The following STAC variants were observed in gnomAD, a reference collection of about 807,000 sequenced individuals.
The protein encoded by STAC is SH3 and cysteine-rich domain-containing protein.
STAC carries 43 observed loss-of-function variants against 48.8 expected under a neutral mutation model. The observed-to-expected ratio is 0.88, with a 90% CI of 0.69 to 1.14. STAC has a LOEUF of 1.14. STAC is among the 50% of genes most tolerant of loss of function. The pLI is 0.00. For missense variants in STAC, 497 were observed against 504.0 expected, an observed-to-expected ratio of 0.99 and a Z score of 0.13; for synonymous variants, 193 against 179.5, an observed-to-expected ratio of 1.07 and a Z score of -0.60.
intron 1 of STAC, among the ~76,000 whole-genome samples, chr3:36,442,562 A>G (rs1696377151): frequency 6.6e-6 from 1 of 152,120 alleles, no homozygotes; most frequent in Admixed American, 6.5e-5. Flanking sequence ...AGAGGGGTAG[A>G]TTAAACTCAA....
intron 10 of STAC, 143 bp downstream of exon 10, chr3:36,529,128 G>A: frequency 7.8e-6 from 7 of 896,656 alleles, no homozygotes; most frequent in Non-Finnish European, 1.1e-5. Flanking sequence ...CTCCAATGAT[G>A]TCAGTGTTGT....
intron 1 of STAC, 148 bp downstream of exon 1, chr3:36,380,902 A>C: frequency 3.4e-6 from 2 of 593,328 alleles, no homozygotes; most frequent in South Asian, 2.2e-5. Context: ...GTCCGGTAGG[A>C]CCCGCTGCTC....
chr3:36,452,426 C>T (rs1696709786), intron 2 of STAC, among the ~76,000 whole-genome samples: 1 of 152,080 alleles, frequency 6.6e-6, no homozygotes, highest in African/African-American at 2.4e-5. Flanking sequence ...ACTGGCACAT[C>T]GCAAATGTGA....
intron 2 of STAC, among the ~76,000 whole-genome samples, chr3:36,453,430 G>C (rs1696748773): frequency 6.6e-6 from 1 of 152,186 alleles, no homozygotes; most frequent in African/African-American, 2.4e-5. Context: ...GGCAGACCCC[G>C]CCCTCGGAGA....
intron 10 of STAC, among the ~76,000 whole-genome samples, chr3:36,540,865 G>T (rs932216366): frequency 7.2e-5 from 11 of 152,154 alleles, no homozygotes; most frequent in Non-Finnish European, 1.2e-4. Context: ...GTTGTTTAAG[G>T]CTTCTAAATT....
At chr3:36,418,168 G>A (rs556186902) in intron 1 of STAC, among the ~76,000 whole-genome samples, 1 of 151,428 alleles carries the variant, frequency 6.6e-6, no homozygotes, top group East Asian at 1.9e-4. Flanking sequence ...TGATTTCTTA[G>A]GCCTTCCTTT....
At chr3:36,510,006 C>A (rs1698496779) in intron 8 of STAC, among the ~76,000 whole-genome samples, 1 of 152,038 alleles carries the variant, frequency 6.6e-6, no homozygotes, top group Non-Finnish European at 1.5e-5. Context: ...AAGAAACTAT[C>A]ATCAGAGTGA....
At chr3:36,529,144 C>G in intron 10 of STAC, 159 bp downstream of exon 10, 1 of 765,908 alleles carries the variant, frequency 1.3e-6, no homozygotes, top group Non-Finnish European at 1.8e-6. Context: ...GTTGTAGGAG[C>G]TAAACATGCA....
chr3:36,433,759 C>T (rs1700762003), intron 1 of STAC, among the ~76,000 whole-genome samples: 2 of 152,204 alleles, frequency 1.3e-5, no homozygotes, highest in Non-Finnish European at 2.9e-5. Flanking sequence ...CTGGTAGAAC[C>T]TAAGCCAAGG....
chr3:36,536,930 A>G (rs563729409), intron 10 of STAC, among the ~76,000 whole-genome samples: 48 of 152,302 alleles, frequency 3.2e-4, no homozygotes, highest in African/African-American at 1.2e-3. Flanking sequence ...TTATATGGCC[A>G]GCAAACATAT....
At chr3:36,396,446 C>G (rs1300695115) in intron 1 of STAC, among the ~76,000 whole-genome samples, 1 of 152,116 alleles carries the variant, frequency 6.6e-6, no homozygotes, top group African/African-American at 2.4e-5. Flanking sequence ...CACATTATTA[C>G]TACTATACAA....
intron 10 of STAC, among the ~76,000 whole-genome samples, chr3:36,535,370 G>T (rs1699174234): frequency 6.6e-6 from 1 of 152,166 alleles, no homozygotes; most frequent in Non-Finnish European, 1.5e-5. Flanking sequence ...AGAAGCTTGG[G>T]CTGAGATGAT....
chr3:36,545,875 C>T (rs1699433019), intron 10 of STAC, among the ~76,000 whole-genome samples: 2 of 152,178 alleles, frequency 1.3e-5, no homozygotes, highest in South Asian at 4.1e-4. Flanking sequence ...CCTTGACAAA[C>T]ATTATTATCT....
At chr3:36,467,441 T>C (rs1005774826) in intron 2 of STAC, among the ~76,000 whole-genome samples, 1 of 152,182 alleles carries the variant, frequency 6.6e-6, no homozygotes, top group Non-Finnish European at 1.5e-5. Flanking sequence ...TGAATGTCTC[T>C]GATAGAATTC....
intron 3 of STAC, 64 bp downstream of exon 3, chr3:36,483,156 A>G: frequency 7.9e-7 from 1 of 1,264,432 alleles, no homozygotes; most frequent in Non-Finnish European, 1.1e-6. Flanking sequence ...TGCTGCAGTG[A>G]GATCACCCCC....
chr3:36,391,997 C>T (rs191008683), intron 1 of STAC, among the ~76,000 whole-genome samples: 3 of 152,304 alleles, frequency 2.0e-5, no homozygotes, highest in East Asian at 3.9e-4. Context: ...AAAAGCAGCA[C>T]CAGAGTTCTG....
At chr3:36,385,006 A>G (rs969916771) in intron 1 of STAC, among the ~76,000 whole-genome samples, 1 of 152,158 alleles carries the variant, frequency 6.6e-6, no homozygotes, top group Non-Finnish European at 1.5e-5. Context: ...GATGAAAGAA[A>G]ACGAAACCTT....
At chr3:36,390,451 C>CTTTTTTTTTTTTTTTTTTTTT (rs59589769) in intron 1 of STAC, among the ~76,000 whole-genome samples, 26 of 80,814 alleles carry the variant, frequency 3.2e-4, no homozygotes, top group South Asian at 5.0e-4. Context: ...TTTTTCTTTT[C>CTTTTTTTTTTTTTTTTTTTTT]TTTTTTTTTT....
At chr3:36,525,461 T>C (rs925095358) in intron 8 of STAC, among the ~76,000 whole-genome samples, 1 of 151,796 alleles carries the variant, frequency 6.6e-6, no homozygotes, top group African/African-American at 2.4e-5. Flanking sequence ...CAAGAGTGAG[T>C]CTCTCAGTAG....
Sources: gnomAD v4.1 joint callset for allele counts (sites outside exome capture counted in the v4.1 genomes callset) on GRCh38, gnomAD v4.1.1 for gene constraint, MANE v1.5 for transcripts, NCBI Gene and HGNC (gene_info 2026-07-23, HGNC 2026-07-21) for gene names.